The following RBM19 variants were observed in gnomAD, a reference collection of about 807,000 sequenced individuals.
RBM19 encodes the protein probable RNA-binding protein 19.
In RBM19, 94 loss-of-function variants were observed where a neutral mutation model predicts 116.8. That is an observed-to-expected ratio of 0.80 (90% CI 0.68 to 0.95). The LOEUF (loss-of-function observed/expected upper bound fraction) is 0.95, where lower values mean the gene tolerates loss of function less well. Among genes scored for constraint, RBM19 ranks in the 40% least tolerant of loss-of-function variants. The pLI, the probability that RBM19 is intolerant of heterozygous loss-of-function variation, is 0.00. For missense variants in RBM19, 1,161 were observed against 1,220.7 expected (o/e 0.95, Z 0.73); for synonymous variants, 475 against 494.1 (o/e 0.96, Z 0.51).
At chr12:113,833,793 G>T (rs1875637519) in intron 23 of RBM19, among the ~76,000 whole-genome samples, 3 of 152,212 alleles carry the variant, frequency 2.0e-5, no homozygotes, top group Admixed American at 2.0e-4. Context: ...GCCCAGGCTG[G>T]AGTGCAGTGG....
chr12:113,935,127 C>T (rs1869934738), intron 16 of RBM19, among the ~76,000 whole-genome samples: 1 of 152,154 alleles, frequency 6.6e-6, no homozygotes, highest in Admixed American at 6.5e-5. Flanking sequence ...GAGGGATAAT[C>T]CCCAGGACAC....
intron 21 of RBM19, among the ~76,000 whole-genome samples, chr12:113,890,801 ATT>A (rs779483184): frequency 6.6e-5 from 10 of 152,058 alleles, no homozygotes; most frequent in Non-Finnish European, 1.2e-4. Context: ...AATATATATA[ATT>A]TTTGAGACAG....
At chr12:113,912,806 T>TA (rs1882524477) in intron 21 of RBM19, among the ~76,000 whole-genome samples, 1 of 152,082 alleles carries the variant, frequency 6.6e-6, no homozygotes, top group Non-Finnish European at 1.5e-5. Context: ...GCTAATGACC[T>TA]TTACCGGCCA....
intron 21 of RBM19, among the ~76,000 whole-genome samples, chr12:113,888,383 T>C (rs1253110268): frequency 6.6e-6 from 1 of 152,202 alleles, no homozygotes; most frequent in Non-Finnish European, 1.5e-5. Flanking sequence ...AAATCTCGAC[T>C]GGCTTTAAAC....
intron 16 of RBM19, among the ~76,000 whole-genome samples, chr12:113,929,122 C>T (rs117608271): frequency 0.013 from 2,038 of 152,282 alleles, 14 homozygotes; most frequent in South Asian, 0.022. Context: ...TCTACTCACA[C>T]CTTCACTTGC....
chr12:113,872,587 C>T, intron 21 of RBM19, among the ~76,000 whole-genome samples: 4 of 110,306 alleles, frequency 3.6e-5, no homozygotes, highest in African/African-American at 6.2e-5. Context: ...GGTCAGCCCC[C>T]CTGCCCGGCC....
intron 23 of RBM19, among the ~76,000 whole-genome samples, chr12:113,842,201 T>C (rs1223963113): frequency 2.0e-5 from 3 of 152,156 alleles, no homozygotes; most frequent in African/African-American, 7.2e-5. Context: ...GCAATAGTGC[T>C]GTCTTTGGAA....
chr12:113,832,058 G>A (rs1278965376), intron 23 of RBM19, among the ~76,000 whole-genome samples: 2 of 152,202 alleles, frequency 1.3e-5, no homozygotes, highest in Non-Finnish European at 2.9e-5. Flanking sequence ...CAGCAGCTGA[G>A]ATAGCCAGGG....
At chr12:113,835,364 C>G (rs141802659) in intron 23 of RBM19, among the ~76,000 whole-genome samples, 1 of 152,174 alleles carries the variant, frequency 6.6e-6, no homozygotes, top group Non-Finnish European at 1.5e-5. Flanking sequence ...CTTGTACCCC[C>G]GCAAAGGATA....
At chr12:113,959,499 A>C in intron 4 of RBM19, 95 bp from the exon 5 acceptor site, 4 of 1,337,122 alleles carry the variant, frequency 3.0e-6, no homozygotes, top group Non-Finnish European at 4.1e-6. Flanking sequence ...TCTAACTCTT[A>C]AGAGGGTGAG....
At chr12:113,911,641 G>A (rs970020823) in intron 21 of RBM19, among the ~76,000 whole-genome samples, 8 of 152,162 alleles carry the variant, frequency 5.3e-5, no homozygotes, top group African/African-American at 1.9e-4. Flanking sequence ...TGAGGCCGAT[G>A]AGCAGCGTGG....
chr12:113,922,694 C>T (rs1169583584), intron 18 of RBM19, among the ~76,000 whole-genome samples: 1 of 151,958 alleles, frequency 6.6e-6, no homozygotes, highest in Non-Finnish European at 1.5e-5. Context: ...TTTCCTTGCA[C>T]CCAAAACTAT....
intron 10 of RBM19, 63 bp from the exon 11 acceptor site, chr12:113,947,527 T>C (rs1464403804): frequency 6.5e-7 from 1 of 1,528,196 alleles, no homozygotes; most frequent in Admixed American, 1.8e-5. Flanking sequence ...GGGAAGAATG[T>C]GGTGAGCACC....
intron 21 of RBM19, among the ~76,000 whole-genome samples, chr12:113,880,332 G>A (rs1435768228): frequency 1.3e-5 from 2 of 152,114 alleles, no homozygotes; most frequent in African/African-American, 2.4e-5. Context: ...GGCATGCTGA[G>A]TACCTCCCCT....
Position 113,948,846 on chromosome 12 carries a change from G to C in RBM19, c.1263C>G (p.Leu421=). 1 of 1,614,200 alleles carries C rather than the reference G, an allele frequency of 6.2e-7. No individual in the cohort carries two copies. The change falls in exon 10 of 24, where the codon CTC becomes CTG. Residue 421 remains leucine (L), a synonymous_variant. Coordinates refer to ENST00000261741, the MANE Select transcript of RBM19 (RefSeq NM_016196.4). The part of the protein sequence containing the change: ...YTSTEEDLEK[L]FSKYGPLSEL... ...CCACACCCCTACCATATTTGGAGAAGAGCTTCTCCAGATCCTCCTCGGTGC... is the reference window on the plus strand; with the variant it reads ...CCACACCCCTACCATATTTGGAGAACAGCTTCTCCAGATCCTCCTCGGTGC...
At chr12:113,880,715 C>T (rs1194954835) in intron 21 of RBM19, among the ~76,000 whole-genome samples, 1 of 152,122 alleles carries the variant, frequency 6.6e-6, no homozygotes, top group Non-Finnish European at 1.5e-5. Context: ...CCCTCAACCC[C>T]ATCGCCCCAT....
intron 22 of RBM19, among the ~76,000 whole-genome samples, chr12:113,846,031 A>C (rs1257452980): frequency 1.3e-5 from 2 of 152,242 alleles, no homozygotes; most frequent in Non-Finnish European, 2.9e-5. Context: ...ATAATTACTC[A>C]ATAGATGCTA....
Position 113,930,552 on chromosome 12 carries a change from T to G in RBM19, c.2069-3323A>C, listed in dbSNP as rs1869513362. Reference sequence around the variant, plus strand: ...CTGTGAGGAAGGTGAAGACCTATTATCTGGGTGTGCAGTTGGCCTGGCATG... The same window carrying G: ...CTGTGAGGAAGGTGAAGACCTATTAGCTGGGTGTGCAGTTGGCCTGGCATG... On this transcript the variant is annotated intron_variant, in intron 16 of 23. Transcript: ENST00000261741. 3.9e-5 allele frequency among the ~76,000 whole-genome samples: 6 copies of G among 152,324 alleles called. No homozygotes were observed. In the South Asian group the frequency reaches 1.2e-3, roughly 32 times the overall value.
intron 21 of RBM19, among the ~76,000 whole-genome samples, chr12:113,881,304 C>CTT (rs1880108673): frequency 6.6e-6 from 1 of 152,082 alleles, no homozygotes; most frequent in Non-Finnish European, 1.5e-5. Flanking sequence ...AACGATCTGT[C>CTT]GTGGGAAGGG....
Sources: gnomAD v4.1 joint callset for allele counts (sites outside exome capture counted in the v4.1 genomes callset) on GRCh38, gnomAD v4.1.1 for gene constraint, MANE v1.5 for transcripts, NCBI Gene and HGNC (gene_info 2026-07-23, HGNC 2026-07-21) for gene names.